ITGA9: variants seen among roughly 807,000 people sequenced by gnomAD.
ITGA9 encodes integrin subunit alpha 9.
A neutral mutation model predicts 127.8 loss-of-function variants in ITGA9; 56 were observed. The ratio of observed to expected loss-of-function variants is 0.44; its 90% CI spans 0.35 to 0.55. The LOEUF is 0.55. Ranked by LOEUF, ITGA9 falls within the 20% of genes least tolerant of loss-of-function variation. The pLI, the probability that ITGA9 is intolerant of heterozygous loss-of-function variation, is 0.00. For missense variants in ITGA9, 1,196 were observed against 1,347.1 expected (o/e 0.89, Z 1.76); for synonymous variants, 508 against 514.5 (o/e 0.99, Z 0.17).
At chr3:37,715,176 A>C (rs1280840151) in intron 18 of ITGA9, among the ~76,000 whole-genome samples, 1 of 152,218 alleles carries the variant, frequency 6.6e-6, no homozygotes, top group Non-Finnish European at 1.5e-5. Context: ...ACAGCTTGAG[A>C]ATCTACAACT....
At chr3:37,784,238 C>T (rs1697011853) in intron 25 of ITGA9, among the ~76,000 whole-genome samples, 1 of 152,150 alleles carries the variant, frequency 6.6e-6, no homozygotes, top group South Asian at 2.1e-4. Flanking sequence ...ACAGTTTTTC[C>T]AGTCCCTGTC....
intron 18 of ITGA9, among the ~76,000 whole-genome samples, chr3:37,729,181 G>A (rs1696256330): frequency 6.6e-6 from 1 of 151,978 alleles, no homozygotes; most frequent in Admixed American, 6.6e-5. Flanking sequence ...TACACCTCTG[G>A]GCCTCCTTGG....
At chr3:37,728,194 A>G (rs1319456852) in intron 18 of ITGA9, among the ~76,000 whole-genome samples, 2 of 152,184 alleles carry the variant, frequency 1.3e-5, no homozygotes, top group Non-Finnish European at 2.9e-5. Flanking sequence ...AAGCAATCAG[A>G]GCACAGAAGA....
intron 12 of ITGA9, 80 bp from the exon 13 acceptor site, chr3:37,525,946 T>G: frequency 8.5e-7 from 1 of 1,176,768 alleles, no homozygotes; most frequent in Non-Finnish European, 1.3e-6. Flanking sequence ...TGGGTCTCCA[T>G]CCTTGTGAGC....
In ITGA9 at chr3:37,629,081, G is replaced by A; in HGVS notation, c.1690-106G>A. On this transcript the variant is annotated intron_variant, in intron 15 of 27. Coordinates refer to ENST00000264741, the MANE Select transcript of ITGA9 (RefSeq NM_002207.3). The surrounding 1 kb of genome is among the most constrained non-coding windows in gnomAD (Gnocchi z 4.5). ...CCCTACCTCACGAGGGTGATTGTGA[G>A]GATTATATGAGGCAATTCATGTAGA... 7.6e-7 allele frequency: 1 copy of A among 1,317,034 alleles called. No individual in the cohort carries two copies. Among genetic ancestry groups the A allele is most frequent in the Non-Finnish European group, 1.1e-6 (1 of 914,626 alleles). The allele number at this position is 1,317,034 out of a possible 1,614,324, so 81.6% of individuals were successfully genotyped here. A position where few individuals can be genotyped will look rare whatever the true frequency, so the allele number is the denominator to read the frequency against.
intron 18 of ITGA9, among the ~76,000 whole-genome samples, chr3:37,720,222 A>G (rs918223595): frequency 2.6e-5 from 4 of 152,200 alleles, no homozygotes; most frequent in African/African-American, 9.6e-5. Flanking sequence ...TGCAGGTGAG[A>G]AGGAACTCTT....
intron 17 of ITGA9, among the ~76,000 whole-genome samples, chr3:37,667,067 T>C (rs1222237119): frequency 1.3e-5 from 2 of 152,070 alleles, no homozygotes; most frequent in Non-Finnish European, 2.9e-5. Flanking sequence ...AGCAAAAGCA[T>C]TGGGGTCAGG....
At chr3:37,598,716 A>G (rs980561841) in intron 15 of ITGA9, among the ~76,000 whole-genome samples, 1 of 152,180 alleles carries the variant, frequency 6.6e-6, no homozygotes, top group African/African-American at 2.4e-5. Context: ...CCCTCTGCTT[A>G]CAAAACTTTA....
chr3:37,479,499 A>G (rs1268712855), intron 3 of ITGA9, among the ~76,000 whole-genome samples: 2 of 152,200 alleles, frequency 1.3e-5, no homozygotes, highest in Non-Finnish European at 2.9e-5. Context: ...TGAAGGATGA[A>G]GAGCAGAGAG....
At chr3:37,622,311 G>C (rs569467323) in intron 15 of ITGA9, among the ~76,000 whole-genome samples, 16 of 151,776 alleles carry the variant, frequency 1.1e-4, no homozygotes, top group African/African-American at 3.4e-4. Context: ...GGATGGTCTC[G>C]ATCTTCTGAC....
intron 13 of ITGA9, among the ~76,000 whole-genome samples, chr3:37,528,718 G>A (rs1434180083): frequency 6.6e-6 from 1 of 152,146 alleles, no homozygotes; most frequent in Admixed American, 6.5e-5. Context: ...GGCACAGTGT[G>A]AGCACTTCAT....
intron 16 of ITGA9, among the ~76,000 whole-genome samples, chr3:37,639,195 A>C (rs1047927305): frequency 5.9e-5 from 9 of 152,252 alleles, no homozygotes; most frequent in African/African-American, 2.2e-4. Context: ...GGAAAAAGAC[A>C]ACCTTTTTTT....
chr3:37,779,291 G>T (rs1451579779), intron 24 of ITGA9, among the ~76,000 whole-genome samples: 2 of 152,050 alleles, frequency 1.3e-5, no homozygotes, highest in African/African-American at 4.8e-5. Flanking sequence ...TTTTTGTAGA[G>T]ACAGGGTTTC....
intron 17 of ITGA9, among the ~76,000 whole-genome samples, chr3:37,661,883 G>A (rs1387087517): frequency 6.6e-6 from 1 of 152,190 alleles, no homozygotes; most frequent in African/African-American, 2.4e-5. Context: ...GAGGACTCAC[G>A]CATTCCAAGC....
At chr3:37,580,482 G>C (rs536241770) in intron 15 of ITGA9, among the ~76,000 whole-genome samples, 2 of 152,312 alleles carry the variant, frequency 1.3e-5, no homozygotes, top group South Asian at 4.1e-4. Flanking sequence ...TGTAACCAGG[G>C]ACTGCAACTT....
chr3:37,574,673 G>A (rs917309056), intron 15 of ITGA9, among the ~76,000 whole-genome samples: 4 of 152,136 alleles, frequency 2.6e-5, no homozygotes, highest in East Asian at 1.9e-4. Context: ...GTTCCTTGCC[G>A]TTTCACAGCC....
intron 15 of ITGA9, among the ~76,000 whole-genome samples, chr3:37,622,569 G>A (rs1020018398): frequency 4.6e-5 from 7 of 152,056 alleles, no homozygotes; most frequent in Non-Finnish European, 7.4e-5. Context: ...AAGGCCGGGC[G>A]CAGTGGCTTA....
At chr3:37,774,811 T>C (rs966627732) in intron 23 of ITGA9, among the ~76,000 whole-genome samples, 1 of 152,242 alleles carries the variant, frequency 6.6e-6, no homozygotes, top group Non-Finnish European at 1.5e-5. Context: ...GAAACTTTTA[T>C]AGGCAACATC....
intron 1 of ITGA9, among the ~76,000 whole-genome samples, chr3:37,458,953 G>A (rs996018100): frequency 3.3e-5 from 5 of 152,134 alleles, no homozygotes; most frequent in African/African-American, 1.2e-4. Context: ...TGGATTTGGC[G>A]ATCAACCAAA....
Sources: allele counts gnomAD v4.1 joint callset (sites outside exome capture counted in the v4.1 genomes callset), GRCh38; gene constraint gnomAD v4.1.1; non-coding constraint Gnocchi (gnomAD v3.1); transcripts MANE v1.5; gene names NCBI Gene and HGNC (gene_info 2026-07-23, HGNC 2026-07-21).